Variants in PKP4 observed in about 807,000 individuals in gnomAD.
PKP4 encodes the protein plakophilin 4.
In PKP4, 90 loss-of-function variants were observed where a neutral mutation model predicts 145.1. That is an observed-to-expected ratio of 0.62 (90% CI 0.52 to 0.74). The LOEUF is 0.74. Among genes scored for constraint, PKP4 ranks in the 30% least tolerant of loss-of-function variants. The probability of loss-of-function intolerance (pLI) is 0.00; values close to 1 mark genes in which losing one functional copy is unlikely to be tolerated. For synonymous variants in PKP4, 563 were observed against 577.2 expected (o/e 0.98, Z 0.35); for missense variants, 1,340 against 1,482.7 (o/e 0.90, Z 1.58).
At chr2:158,563,851 C>T (rs1021495593) in intron 2 of PKP4, among the ~76,000 whole-genome samples, 45 of 151,964 alleles carry the variant, frequency 3.0e-4, no homozygotes, top group African/African-American at 1.1e-3. Flanking sequence ...TAGAATAGGC[C>T]ATAATAGGTT....
rs149792587 is a variant in PKP4 at position 158,517,637 on chromosome 2, C to T, written c.-5-15543C>T. ...GATAATCCTGGGTAGTAGCACATTC[C>T]TGTGCTACTTGCACATACCTGTACT... On this transcript the variant is annotated intron_variant, in intron 1 of 21. Coordinates refer to ENST00000389759, the MANE Select transcript of PKP4 (RefSeq NM_003628.6). Among the ~76,000 whole-genome samples the T allele has an allele frequency of 2.6e-3, 388 of 152,128 alleles. 7 individuals carry two copies. In the East Asian group the frequency reaches 0.044, roughly 17 times the overall value.
intron 3 of PKP4, among the ~76,000 whole-genome samples, chr2:158,581,387 T>A (rs2048318307): frequency 6.6e-6 from 1 of 152,180 alleles, no homozygotes; most frequent in South Asian, 2.1e-4. Context: ...GTGGCAGAGT[T>A]GGTAAGGTGA....
chr2:158,650,886 G>A (rs941213236), intron 11 of PKP4, among the ~76,000 whole-genome samples: 1 of 152,210 alleles, frequency 6.6e-6, no homozygotes, highest in African/African-American at 2.4e-5. Context: ...GCAGCAACTG[G>A]CCTCTCATGC....
rs907696904 is a variant in PKP4, at chr2:158,677,845, A to G, written c.3257-736A>G. Among the ~76,000 whole-genome samples, 5 of 152,176 alleles carry G rather than the reference A, an allele frequency of 3.3e-5. 1 individual carries two copies. The highest frequency in any genetic ancestry group is 7.3e-5 in the Non-Finnish European group (5 of 68,042). Reference sequence around the variant, plus strand: ...TGCAGCAGCCTGCTTTATCTTACAGATCACCTCTTTAGCATGCATGCCCTT... The same window carrying G: ...TGCAGCAGCCTGCTTTATCTTACAGGTCACCTCTTTAGCATGCATGCCCTT... On this transcript the variant is annotated intron_variant, in intron 20 of 21. Transcript: ENST00000389759.
chr2:158,662,558 C>A, intron 13 of PKP4: 1 of 175,332 alleles, frequency 5.7e-6, no homozygotes, highest in Non-Finnish European at 1.2e-5. Flanking sequence ...TGTTGTCACG[C>A]CAAGGATCTG....
chr2:158,624,515 C>T, intron 6 of PKP4, among the ~76,000 whole-genome samples: 1 of 152,086 alleles, frequency 6.6e-6, no homozygotes, highest in East Asian at 1.9e-4. Flanking sequence ...TTCTGGTGCC[C>T]CTTCACGCTC....
intron 2 of PKP4, among the ~76,000 whole-genome samples, chr2:158,553,669 A>G (rs1437359137): frequency 6.6e-6 from 1 of 152,290 alleles, no homozygotes; most frequent in East Asian, 1.9e-4. Context: ...GGGTTTTGAA[A>G]TTATTTGGGA....
At chr2:158,665,858 G>C (rs755862112) in intron 15 of PKP4, 1 of 152,220 alleles carries the variant, frequency 6.6e-6, no homozygotes, top group Non-Finnish European at 1.5e-5. Context: ...TTTTTCACCA[G>C]GCTGTATGAA....
intron 9 of PKP4, among the ~76,000 whole-genome samples, chr2:158,637,054 T>G (rs755643519): frequency 1.4e-4 from 21 of 152,214 alleles, no homozygotes; most frequent in Non-Finnish European, 2.5e-4. Flanking sequence ...TTAGTCATTT[T>G]AAATTATATA....
intron 1 of PKP4, among the ~76,000 whole-genome samples, chr2:158,521,260 T>C (rs539479145): frequency 6.6e-6 from 1 of 152,360 alleles, no homozygotes; most frequent in African/African-American, 2.4e-5. Flanking sequence ...TTTGCCATTC[T>C]GGTGCTTGTG....
chr2:158,555,672 T>C (rs2046024169), intron 2 of PKP4, among the ~76,000 whole-genome samples: 1 of 152,254 alleles, frequency 6.6e-6, no homozygotes, highest in African/African-American at 2.4e-5. Context: ...CATCTGGATT[T>C]GCCTTTGGTT....
intron 1 of PKP4, among the ~76,000 whole-genome samples, chr2:158,517,159 G>A (rs931271002): frequency 6.6e-6 from 1 of 152,068 alleles, no homozygotes; most frequent in Non-Finnish European, 1.5e-5. Flanking sequence ...AACTAATGAT[G>A]AAAACAAATC....
Position 158,673,936 on chromosome 2 carries a change from C to T in PKP4, c.3063C>T (p.Asp1021=). ...CACCTGTGTCGACATTGGAGCGAGA[C>T]CGATTCAAATCACATCCTTCCTTGT... ...FITPVSTLER[D]RFKSHPSLST... is the part of the protein sequence containing the mutation. Residue 1021 remains aspartate (D), a synonymous_variant, in exon 19 of 22, where the codon GAC becomes GAT. Transcript: ENST00000389759. 2 of 1,613,292 alleles carry T rather than the reference C, an allele frequency of 1.2e-6. No homozygotes were observed. The highest frequency in any genetic ancestry group is 1.7e-6 in the Non-Finnish European group (2 of 1,179,208).
intron 1 of PKP4, among the ~76,000 whole-genome samples, chr2:158,483,854 G>A (rs1206225423): frequency 6.6e-6 from 1 of 152,054 alleles, no homozygotes; most frequent in Admixed American, 6.5e-5. Flanking sequence ...GAAAGGTATT[G>A]TTTTTCATCA....
At chr2:158,507,365 G>A (rs1167861206) in intron 1 of PKP4, among the ~76,000 whole-genome samples, 1 of 152,212 alleles carries the variant, frequency 6.6e-6, no homozygotes, top group Non-Finnish European at 1.5e-5. Context: ...GCTGCCCATG[G>A]CAGCTGTTAG....
chr2:158,575,746 A>G (rs2047789600), intron 2 of PKP4, among the ~76,000 whole-genome samples: 1 of 152,146 alleles, frequency 6.6e-6, no homozygotes, highest in Admixed American at 6.6e-5. Context: ...GAAAAGATGC[A>G]TATAATGACA....
At chr2:158,480,603 G>A (rs1489603282) in intron 1 of PKP4, among the ~76,000 whole-genome samples, 1 of 150,924 alleles carries the variant, frequency 6.6e-6, no homozygotes, top group African/African-American at 2.4e-5. Flanking sequence ...AAAATGGCCA[G>A]CATTTCTTTA....
At chr2:158,620,316 G>C (rs1038286737) in intron 4 of PKP4, among the ~76,000 whole-genome samples, 1 of 152,090 alleles carries the variant, frequency 6.6e-6, no homozygotes, top group Non-Finnish European at 1.5e-5. Flanking sequence ...TTTGAATGGG[G>C]TTTGTTTTTT....
chr2:158,496,339 A>G (rs1450277748), intron 1 of PKP4, among the ~76,000 whole-genome samples: 1 of 152,154 alleles, frequency 6.6e-6, no homozygotes. Context: ...AATAAATGCC[A>G]TGTTATATTT....
Sources: allele counts gnomAD v4.1 joint callset (sites outside exome capture counted in the v4.1 genomes callset), GRCh38; gene constraint gnomAD v4.1.1; transcripts MANE v1.5; gene names NCBI Gene and HGNC (gene_info 2026-07-23, HGNC 2026-07-21).